Variants in TAFA2 observed in about 807,000 individuals in gnomAD.
TAFA2 encodes chemokine-like protein TAFA-2.
Under a neutral mutation model 18.8 loss-of-function variants are expected in TAFA2, and 7 were observed. The ratio of observed to expected loss-of-function variants is 0.37; its 90% CI spans 0.21 to 0.70. The LOEUF (loss-of-function observed/expected upper bound fraction) is 0.70, where lower values mean the gene tolerates loss of function less well. Among genes scored for constraint, TAFA2 ranks in the 30% least tolerant of loss-of-function variants. The pLI, the probability that TAFA2 is intolerant of heterozygous loss-of-function variation, is 0.53. For synonymous variants in TAFA2, 60 were observed against 54.2 expected (o/e 1.11, Z -0.47); for missense variants, 122 against 158.1 (o/e 0.77, Z 1.23).
At chr12:61,983,376 G>A (rs1879703899) in intron 1 of TAFA2, among the ~76,000 whole-genome samples, 1 of 138,560 alleles carries the variant, frequency 7.2e-6, no homozygotes, top group Non-Finnish European at 1.6e-5. Context: ...TAGGTCCCTG[G>A]GATTCTGTTT....
intron 1 of TAFA2, among the ~76,000 whole-genome samples, chr12:61,963,535 A>G (rs1878962958): frequency 6.6e-6 from 1 of 151,756 alleles, no homozygotes; most frequent in South Asian, 2.1e-4. Flanking sequence ...CCACTTTTTG[A>G]TGGGGTTGTT....
chr12:61,991,643 A>T (rs1880015134), intron 1 of TAFA2, among the ~76,000 whole-genome samples: 1 of 152,018 alleles, frequency 6.6e-6, no homozygotes, highest in Non-Finnish European at 1.5e-5. Context: ...CATCTTTTTT[A>T]AAAAAACTTT....
intron 1 of TAFA2, among the ~76,000 whole-genome samples, chr12:62,056,224 A>G (rs1565729992): frequency 6.6e-6 from 1 of 152,184 alleles, no homozygotes; most frequent in Non-Finnish European, 1.5e-5. Flanking sequence ...GAGTAGGACA[A>G]GGCAACCCAC....
At chr12:62,187,676 G>C (rs1303165124) in intron 1 of TAFA2, among the ~76,000 whole-genome samples, 1 of 152,144 alleles carries the variant, frequency 6.6e-6, no homozygotes, top group Non-Finnish European at 1.5e-5. Flanking sequence ...TGCACTGAAT[G>C]AATCACTGCA....
intron 1 of TAFA2, among the ~76,000 whole-genome samples, chr12:62,092,327 T>C (rs2136835873): frequency 6.6e-6 from 1 of 152,118 alleles, no homozygotes; most frequent in South Asian, 2.1e-4. Flanking sequence ...ACCCCATTTC[T>C]CTTCAACTAT....
intron 1 of TAFA2, among the ~76,000 whole-genome samples, chr12:62,250,657 G>A (rs569468726): frequency 3.3e-5 from 5 of 152,150 alleles, no homozygotes; most frequent in African/African-American, 7.2e-5. Flanking sequence ...TATTAAACAT[G>A]TTGGGTTTTG....
At chr12:61,781,071 G>A (rs1023016862) in intron 2 of TAFA2, among the ~76,000 whole-genome samples, 1 of 151,644 alleles carries the variant, frequency 6.6e-6, no homozygotes, top group Non-Finnish European at 1.5e-5. Flanking sequence ...TTCTAAAAAG[G>A]AAAAAGCCTC....
intron 2 of TAFA2, among the ~76,000 whole-genome samples, chr12:61,760,120 T>C (rs1869468135): frequency 6.9e-6 from 1 of 144,776 alleles, no homozygotes. Context: ...TGTAGAAACA[T>C]GTGGTAGTTT....
At chr12:62,000,263 CT>C (rs1880336521) in intron 1 of TAFA2, among the ~76,000 whole-genome samples, 1 of 147,232 alleles carries the variant, frequency 6.8e-6, no homozygotes, top group Admixed American at 7.2e-5. Context: ...ATTATCCTAA[CT>C]ATATTAAGAG....
chr12:61,820,451 T>A (rs1267500751), intron 2 of TAFA2, among the ~76,000 whole-genome samples: 3 of 151,892 alleles, frequency 2.0e-5, no homozygotes, highest in African/African-American at 7.2e-5. Context: ...TAACTATCTA[T>A]CTGCCTCACT....
chr12:62,210,940 G>A (rs559066823), intron 1 of TAFA2, among the ~76,000 whole-genome samples: 5 of 151,012 alleles, frequency 3.3e-5, no homozygotes, highest in East Asian at 3.9e-4. Flanking sequence ...CCAAAAAAAC[G>A]GTGAAATTGC....
At chr12:61,820,530 G>GAGGAGAAAGAAAGGA (rs1159692121) in intron 2 of TAFA2, among the ~76,000 whole-genome samples, 1 of 151,596 alleles carries the variant, frequency 6.6e-6, no homozygotes, top group East Asian at 1.9e-4. Context: ...AGAAGAGAAG[G>GAGGAGAAAGAAAGGA]AGGAGAAAGA....
At chr12:62,221,216 GGGAAGGAAGGAAGGAAGGAA>G (rs371693194) in intron 1 of TAFA2, among the ~76,000 whole-genome samples, 2 of 78,820 alleles carry the variant, frequency 2.5e-5, no homozygotes, top group African/African-American at 9.5e-5. Context: ...GAAGGAAGGG[GGGAAGGAAGGAAGGAAGGAA>G]GGAAGGAAGG....
intron 1 of TAFA2, among the ~76,000 whole-genome samples, chr12:61,904,761 G>T (rs2121326295): frequency 6.6e-6 from 1 of 152,092 alleles, no homozygotes; most frequent in Non-Finnish European, 1.5e-5. Flanking sequence ...CCCTCATTCG[G>T]TCCCACTGGA....
At chr12:61,767,258 T>C (rs560566477) in intron 2 of TAFA2, among the ~76,000 whole-genome samples, 63 of 152,252 alleles carry the variant, frequency 4.1e-4, no homozygotes, top group African/African-American at 1.4e-3. Context: ...GCACTTTACT[T>C]ATTTGGACTT....
rs538374378 is a variant in TAFA2 at position 62,019,466 on chromosome 12, T to A, written c.-1-152040A>T. Among the ~76,000 whole-genome samples, 3 of 149,056 alleles carry A rather than the reference T, an allele frequency of 2.0e-5. No homozygotes were observed. In the East Asian group the frequency reaches 5.9e-4, roughly 29 times the overall value. ...CTGGATTAAGAAAATGTGGCACATATACACCATGGAATACTATGCAGCCAT... is the reference window on the plus strand; with the variant it reads ...CTGGATTAAGAAAATGTGGCACATAAACACCATGGAATACTATGCAGCCAT... On this transcript the variant is annotated intron_variant, in intron 1 of 4. Coordinates refer to ENST00000416284, the MANE Select transcript of TAFA2 (RefSeq NM_178539.5).
intron 1 of TAFA2, among the ~76,000 whole-genome samples, chr12:62,092,775 GA>G (rs1248935727): frequency 6.6e-6 from 1 of 151,930 alleles, no homozygotes; most frequent in African/African-American, 2.4e-5. Flanking sequence ...TCAATGATAT[GA>G]TTTTTTTAAC....
At chr12:61,886,981 A>C (rs184237482) in intron 1 of TAFA2, among the ~76,000 whole-genome samples, 2 of 152,358 alleles carry the variant, frequency 1.3e-5, no homozygotes, top group African/African-American at 4.8e-5. Flanking sequence ...AAATAAGGAA[A>C]ATCATAATGC....
chr12:62,203,834 G>A (rs1038154925), intron 1 of TAFA2, among the ~76,000 whole-genome samples: 3 of 152,070 alleles, frequency 2.0e-5, no homozygotes, highest in East Asian at 1.9e-4. Flanking sequence ...GCCCATTTAC[G>A]TTTAAGGTTA....
Sources: allele counts gnomAD v4.1 joint callset (sites outside exome capture counted in the v4.1 genomes callset), GRCh38; gene constraint gnomAD v4.1.1; transcripts MANE v1.5; gene names NCBI Gene and HGNC (gene_info 2026-07-23, HGNC 2026-07-21).